EPHA6: variants seen among roughly 807,000 people sequenced by gnomAD.
EPHA6 encodes the protein ephrin type-A receptor 6.
In EPHA6, 50 loss-of-function variants were observed where a neutral mutation model predicts 112.0. That is an observed-to-expected ratio of 0.45 (90% CI 0.36 to 0.56). The LOEUF (loss-of-function observed/expected upper bound fraction) is 0.56. EPHA6 is among the 20% of genes least tolerant of loss of function. The pLI, the probability that EPHA6 is intolerant of heterozygous loss-of-function variation, is 0.00. For missense variants in EPHA6, 1,280 were observed against 1,417.4 expected, an observed-to-expected ratio of 0.90 and a Z score of 1.56; for synonymous variants, 529 against 490.7, an observed-to-expected ratio of 1.08 and a Z score of -1.03.
intron 7 of EPHA6, among the ~76,000 whole-genome samples, chr3:97,451,444 G>T (rs548175875): frequency 3.3e-5 from 5 of 151,794 alleles, no homozygotes; most frequent in African/African-American, 1.2e-4. Flanking sequence ...CAGGAATGCC[G>T]CGAAAATGAC....
chr3:97,452,059 A>G (rs1386066297), intron 7 of EPHA6, among the ~76,000 whole-genome samples: 2 of 151,936 alleles, frequency 1.3e-5, no homozygotes, highest in African/African-American at 4.8e-5. Context: ...GCAATAACAT[A>G]ATTATGAAAT....
chr3:97,421,346 T>C (rs2088614916), intron 6 of EPHA6, among the ~76,000 whole-genome samples: 1 of 152,152 alleles, frequency 6.6e-6, no homozygotes, highest in Non-Finnish European at 1.5e-5. Flanking sequence ...TTTAAATGCA[T>C]TTCTATACGT....
intron 10 of EPHA6, among the ~76,000 whole-genome samples, chr3:97,510,653 A>T (rs1209679831): frequency 6.6e-6 from 1 of 152,094 alleles, no homozygotes; most frequent in African/African-American, 2.4e-5. Flanking sequence ...CCCAGTCAGG[A>T]GGTACAGGAG....
chr3:97,345,415 A>G (rs2083487246), intron 5 of EPHA6, among the ~76,000 whole-genome samples: 1 of 152,174 alleles, frequency 6.6e-6, no homozygotes, highest in East Asian at 1.9e-4. Flanking sequence ...CCTGCCTTAT[A>G]TCTTCTCCTG....
chr3:97,385,644 C>T (rs2086017743), intron 5 of EPHA6, among the ~76,000 whole-genome samples: 1 of 152,120 alleles, frequency 6.6e-6, no homozygotes, highest in Non-Finnish European at 1.5e-5. Context: ...ACTATAAAGA[C>T]ATACCTGGGA....
At chr3:97,701,848 G>T (rs919176529) in intron 14 of EPHA6, among the ~76,000 whole-genome samples, 3 of 151,828 alleles carry the variant, frequency 2.0e-5, no homozygotes, top group Non-Finnish European at 4.4e-5. Flanking sequence ...TAAATCATGG[G>T]TGATAGGAAC....
chr3:97,587,226 A>G (rs1480894977), intron 11 of EPHA6, among the ~76,000 whole-genome samples: 4 of 151,708 alleles, frequency 2.6e-5, no homozygotes, highest in African/African-American at 7.3e-5. Context: ...GGGCAACAGA[A>G]TGAGACTCCG....
At chr3:97,459,369 TG>T (rs1206555592) in intron 7 of EPHA6, among the ~76,000 whole-genome samples, 4 of 152,160 alleles carry the variant, frequency 2.6e-5, no homozygotes, top group African/African-American at 7.2e-5. Context: ...CAGCATTCTG[TG>T]TTGACAAGCC....
intron 3 of EPHA6, among the ~76,000 whole-genome samples, chr3:97,115,445 G>A (rs1265454861): frequency 6.6e-6 from 1 of 151,718 alleles, no homozygotes; most frequent in African/African-American, 2.4e-5. Context: ...AGATTTGCAG[G>A]GGAAGGAACT....
chr3:97,632,617 C>A (rs969243744), intron 13 of EPHA6, among the ~76,000 whole-genome samples: 1 of 151,818 alleles, frequency 6.6e-6, no homozygotes, highest in Non-Finnish European at 1.5e-5. Context: ...AGAGATAATA[C>A]GAGTCACAAA....
chr3:97,454,246 C>T (rs746963700), intron 7 of EPHA6, among the ~76,000 whole-genome samples: 7 of 151,768 alleles, frequency 4.6e-5, no homozygotes, highest in African/African-American at 7.2e-5. Context: ...TGTTCAAAGG[C>T]GTAATTCTTT....
At chr3:97,162,921 T>C (rs1047545982) in intron 3 of EPHA6, among the ~76,000 whole-genome samples, 1 of 152,182 alleles carries the variant, frequency 6.6e-6, no homozygotes, top group Admixed American at 6.5e-5. Context: ...TCTTGATGGC[T>C]GCTTCAGTTC....
chr3:97,298,587 A>G (rs1262952919), intron 5 of EPHA6, among the ~76,000 whole-genome samples: 1 of 152,202 alleles, frequency 6.6e-6, no homozygotes, highest in Non-Finnish European at 1.5e-5. Context: ...ATTGTCTATA[A>G]TGTGATAGGA....
intron 5 of EPHA6, among the ~76,000 whole-genome samples, chr3:97,274,882 G>A (rs2080017118): frequency 6.6e-6 from 1 of 152,158 alleles, no homozygotes; most frequent in Non-Finnish European, 1.5e-5. Flanking sequence ...CAGGAACAAT[G>A]GTAATTGTGG....
chr3:97,108,577 G>A lies in EPHA6; in HGVS notation c.1115-117687G>A, dbSNP rs62265075. Reference sequence around the variant, plus strand: ...ATTATGTGACATTACAAAGTCATGAGATCTAAGAGATGAAGGGACGATTTT... The same window carrying A: ...ATTATGTGACATTACAAAGTCATGAAATCTAAGAGATGAAGGGACGATTTT... On this transcript the variant is annotated intron_variant, in intron 3 of 17. Transcript: ENST00000389672. Among the ~76,000 whole-genome samples, 851 of 152,252 alleles carry A rather than the reference G, an allele frequency of 5.6e-3. 2 individuals are homozygous for A. Among genetic ancestry groups the A allele is most frequent in the Non-Finnish European group, 8.3e-3 (563 of 68,006 alleles).
chr3:97,517,065 A>G (rs747849740), intron 10 of EPHA6, among the ~76,000 whole-genome samples: 1 of 152,168 alleles, frequency 6.6e-6, no homozygotes, highest in Non-Finnish European at 1.5e-5. Flanking sequence ...GACTTAGATT[A>G]TAGGAGACAT....
At chr3:97,405,977 A>AG (rs1210866110) in intron 6 of EPHA6, among the ~76,000 whole-genome samples, 1 of 152,140 alleles carries the variant, frequency 6.6e-6, no homozygotes, top group Non-Finnish European at 1.5e-5. Context: ...ATATTACAGC[A>AG]GACCACATAG....
chr3:97,357,456 C>G (rs1169015103), intron 5 of EPHA6, among the ~76,000 whole-genome samples: 1 of 152,148 alleles, frequency 6.6e-6, no homozygotes, highest in Non-Finnish European at 1.5e-5. Context: ...CCCTCCTCAG[C>G]CTCCCAAATT....
chr3:97,149,205 A>T (rs933993774), intron 3 of EPHA6, among the ~76,000 whole-genome samples: 4 of 152,120 alleles, frequency 2.6e-5, no homozygotes, highest in Non-Finnish European at 1.5e-5. Context: ...AAGTAATGAG[A>T]ACATATTTTC....
Sources: allele counts gnomAD v4.1 joint callset (sites outside exome capture counted in the v4.1 genomes callset), GRCh38; gene constraint gnomAD v4.1.1; transcripts MANE v1.5; gene names NCBI Gene and HGNC (gene_info 2026-07-23, HGNC 2026-07-21).